ZNF407: variants seen among roughly 807,000 people sequenced by gnomAD.
ZNF407 encodes the protein zinc finger protein 407.
A neutral mutation model predicts 131.2 loss-of-function variants in ZNF407; 17 were observed. The observed-to-expected ratio is 0.13, with a 90% CI of 0.09 to 0.19. The LOEUF is 0.19. ZNF407 is among the 10% of genes least tolerant of loss of function. ZNF407 has a pLI of 1.00. For missense variants in ZNF407, 2,681 were observed against 2,830.6 expected, an observed-to-expected ratio of 0.95 and a Z score of 1.20; for synonymous variants, 1,156 against 1,062.0, an observed-to-expected ratio of 1.09 and a Z score of -1.72.
chr18:74,726,921 G>A (rs1968171395), intron 3 of ZNF407, among the ~76,000 whole-genome samples: 1 of 152,116 alleles, frequency 6.6e-6, no homozygotes, highest in South Asian at 2.1e-4. Flanking sequence ...GAGGTGAGAA[G>A]ATCTTTAGAC....
chr18:74,868,783 C>T (rs1022351099), intron 4 of ZNF407, among the ~76,000 whole-genome samples: 2 of 152,166 alleles, frequency 1.3e-5, no homozygotes, highest in African/African-American at 4.8e-5. Context: ...TGTGTATTGA[C>T]CCTTTTTCTG....
intron 7 of ZNF407, among the ~76,000 whole-genome samples, chr18:74,919,047 C>G (rs570679045): frequency 1.5e-4 from 23 of 152,254 alleles, no homozygotes; most frequent in African/African-American, 5.5e-4. Context: ...AACACGTTTG[C>G]GTTTCAGCTT....
At chr18:75,004,424 C>CG (rs1324571096) in intron 8 of ZNF407, among the ~76,000 whole-genome samples, 2 of 152,148 alleles carry the variant, frequency 1.3e-5, no homozygotes, top group African/African-American at 4.8e-5. Flanking sequence ...AGCACTGTTG[C>CG]GGGGGAGACA....
intron 8 of ZNF407, among the ~76,000 whole-genome samples, chr18:74,989,829 C>T (rs1436926188): frequency 1.4e-5 from 2 of 144,848 alleles, no homozygotes; most frequent in South Asian, 2.2e-4. Context: ...GGCGACAGAG[C>T]GAAACTCTGT....
intron 4 of ZNF407, among the ~76,000 whole-genome samples, chr18:74,840,770 AG>A (rs1265329288): frequency 6.6e-6 from 1 of 152,044 alleles, no homozygotes; most frequent in Non-Finnish European, 1.5e-5. Context: ...TGCCTCTCAT[AG>A]CTCACATCCT....
intron 4 of ZNF407, among the ~76,000 whole-genome samples, chr18:74,856,619 G>A (rs377355108): frequency 2.0e-5 from 3 of 152,222 alleles, no homozygotes; most frequent in East Asian, 3.9e-4. Flanking sequence ...TATGGTTTCT[G>A]TCTGCCATTT....
chr18:74,618,469 G>A (rs1368329517), intron 1 of ZNF407, among the ~76,000 whole-genome samples: 1 of 152,176 alleles, frequency 6.6e-6, no homozygotes, highest in Non-Finnish European at 1.5e-5. Context: ...TGAATCCCAA[G>A]TGTCTCTGAC....
intron 4 of ZNF407, among the ~76,000 whole-genome samples, chr18:74,801,081 C>G (rs929834656): frequency 6.6e-6 from 1 of 151,994 alleles, no homozygotes; most frequent in African/African-American, 2.4e-5. Context: ...AGTCCATACT[C>G]TTAGTGATAT....
intron 8 of ZNF407, among the ~76,000 whole-genome samples, chr18:74,933,612 A>G (rs975161346): frequency 9.9e-5 from 15 of 152,172 alleles, no homozygotes; most frequent in East Asian, 3.9e-4. Context: ...TGGTACCCCT[A>G]TTTTTTCTGT....
rs1984395833 is a variant in ZNF407 at position 74,635,185 on chromosome 18, T to G, written c.4166T>G (p.Leu1389Arg). 1 of 1,613,886 alleles carries G rather than the reference T, an allele frequency of 6.2e-7. No individual in the cohort carries two copies. Among genetic ancestry groups the G allele is most frequent in the African/African-American group, 1.3e-5 (1 of 74,926 alleles). The change falls in exon 2 of 9, where the codon CTG (leucine) becomes CGG (arginine). Residue 1389 changes from leucine to arginine, a missense_variant. By Grantham distance (102) the Leu-to-Arg change is moderately radical. Transcript: ENST00000299687. The surrounding 1 kb of genome is among the most constrained non-coding windows in gnomAD (Gnocchi z 4.7). ...LIATGVRISE[L>R]PLKDCAQGVK... ...GCAACGGGAGTGAGAATTAGTGAGC[T>G]GCCCTTGAAAGACTGTGCTCAAGGT...
rs1971798716 is a variant in ZNF407 at position 74,918,221 on chromosome 18, T to C, written c.5250-2293T>C. On this transcript the variant is annotated intron_variant, in intron 7 of 8. Coordinates refer to ENST00000299687, the MANE Select transcript of ZNF407 (RefSeq NM_017757.3). ...TTTGCTTAGAATGTGCTAGTGTCTCTGATACGTAAATTTTAAAGGGAAAGC... is the reference window on the plus strand; with the variant it reads ...TTTGCTTAGAATGTGCTAGTGTCTCCGATACGTAAATTTTAAAGGGAAAGC... Among the ~76,000 whole-genome samples the C allele has an allele frequency of 2.0e-5, 3 of 152,338 alleles. No individual in the cohort carries two copies. In the South Asian group the frequency reaches 6.2e-4, roughly 32 times the overall value.
At chr18:74,658,970 G>A (rs1300585349) in intron 3 of ZNF407, among the ~76,000 whole-genome samples, 2 of 151,942 alleles carry the variant, frequency 1.3e-5, no homozygotes, top group African/African-American at 4.8e-5. Flanking sequence ...AAAATCTATT[G>A]TATACACATG....
intron 3 of ZNF407, among the ~76,000 whole-genome samples, chr18:74,662,217 A>G (rs1336967352): frequency 6.6e-6 from 1 of 152,180 alleles, no homozygotes; most frequent in Non-Finnish European, 1.5e-5. Flanking sequence ...GTTAATGAAT[A>G]TGCACATTTA....
intron 3 of ZNF407, among the ~76,000 whole-genome samples, chr18:74,711,952 C>A (rs1967774737): frequency 6.6e-6 from 1 of 152,194 alleles, no homozygotes; most frequent in Admixed American, 6.5e-5. Context: ...TCAAGTGACC[C>A]ACCCGCCTCG....
intron 8 of ZNF407, among the ~76,000 whole-genome samples, chr18:74,936,861 A>G (rs1281513830): frequency 1.3e-5 from 2 of 152,252 alleles, no homozygotes; most frequent in African/African-American, 4.8e-5. Flanking sequence ...TCATCATTGA[A>G]AAGCTGAATT....
rs1183755965 is a variant in ZNF407, at chr18:74,630,167, C to CTTT, written c.-53-781_-53-779dup. ...GGAGAAAAGGATGAAACAGTGGTGTCTTTTTTTTTTTTTTTTTTTTTGAGA... is the reference window on the plus strand; with the variant it reads ...GGAGAAAAGGATGAAACAGTGGTGTCTTTTTTTTTTTTTTTTTTTTTTTTGAGA... On this transcript the variant is annotated intron_variant, in intron 1 of 8. Transcript: ENST00000299687. 6.5e-4 allele frequency among the ~76,000 whole-genome samples: 78 copies of CTTT among 120,246 alleles called. 2 individuals carry two copies. The highest frequency in any genetic ancestry group is 7.0e-4 in the African/African-American group (22 of 31,534). 78.9% of individuals were successfully genotyped at this position (120,246 alleles called of 152,430 possible).
intron 3 of ZNF407, among the ~76,000 whole-genome samples, chr18:74,743,024 G>A (rs1156548226): frequency 6.6e-6 from 1 of 152,150 alleles, no homozygotes; most frequent in Non-Finnish European, 1.5e-5. Flanking sequence ...GGGGTGTGAG[G>A]AGGCAGAACT....
intron 3 of ZNF407, among the ~76,000 whole-genome samples, chr18:74,749,092 G>T (rs1210754433): frequency 2.0e-5 from 3 of 152,156 alleles, no homozygotes; most frequent in Non-Finnish European, 4.4e-5. Flanking sequence ...TGTCATTAGG[G>T]GTGGCAGATG....
intron 6 of ZNF407, among the ~76,000 whole-genome samples, chr18:74,888,592 C>T (rs943671598): frequency 1.3e-5 from 2 of 152,152 alleles, no homozygotes; most frequent in African/African-American, 4.8e-5. Flanking sequence ...AGTAGATTCA[C>T]ATTCCCAAGC....
Sources: gnomAD v4.1 joint callset for allele counts (sites outside exome capture counted in the v4.1 genomes callset) on GRCh38, gnomAD v4.1.1 for gene constraint, Gnocchi (gnomAD v3.1) non-coding constraint, MANE v1.5 for transcripts, NCBI Gene and HGNC (gene_info 2026-07-23, HGNC 2026-07-21) for gene names.